MYT1L: variants seen among roughly 807,000 people sequenced by gnomAD.
MYT1L encodes the protein myelin transcription factor 1 like.
Under a neutral mutation model 126.7 loss-of-function variants are expected in MYT1L, and 12 were observed. The observed-to-expected ratio is 0.09, with a 90% CI of 0.06 to 0.15. MYT1L has a LOEUF of 0.15. MYT1L is among the 10% of genes least tolerant of loss of function. The pLI is 1.00. For synonymous variants in MYT1L, 541 were observed against 604.2 expected (o/e 0.90, Z 1.53); for missense variants, 979 against 1,585.2 (o/e 0.62, Z 6.49).
At chr2:1,796,601 G>A (rs776693916) in intron 23 of MYT1L, among the ~76,000 whole-genome samples, 4 of 152,226 alleles carry the variant, frequency 2.6e-5, no homozygotes, top group East Asian at 1.9e-4. Context: ...CTGAAAACAC[G>A]AGCTCCCTTT....
At chr2:2,175,611 CCT>C (rs2148576601) in intron 2 of MYT1L, among the ~76,000 whole-genome samples, 2 of 150,820 alleles carry the variant, frequency 1.3e-5, no homozygotes, top group South Asian at 4.1e-4. Context: ...GCGAAACCAT[CCT>C]CTGTGAACTG....
chr2:2,175,374 G>A (rs76847566), intron 2 of MYT1L, among the ~76,000 whole-genome samples: 2,201 of 152,136 alleles, frequency 0.014, 27 homozygotes, highest in Middle Eastern at 0.054. Flanking sequence ...TTGCTGAAAC[G>A]GCAGTGCCTG....
intron 8 of MYT1L, among the ~76,000 whole-genome samples, chr2:1,969,464 T>C (rs1391134452): frequency 6.6e-6 from 1 of 152,182 alleles, no homozygotes; most frequent in African/African-American, 2.4e-5. Context: ...ATCAACCCTC[T>C]GGAGGGGTGG....
intron 3 of MYT1L, among the ~76,000 whole-genome samples, chr2:2,123,137 C>T (rs945882502): frequency 6.6e-5 from 10 of 152,038 alleles, no homozygotes; most frequent in African/African-American, 2.4e-4. Context: ...GCATCACTGC[C>T]GGATGAAACT....
chr2:2,277,031 G>T (rs954221935), intron 2 of MYT1L, among the ~76,000 whole-genome samples: 4 of 151,772 alleles, frequency 2.6e-5, no homozygotes, highest in African/African-American at 9.7e-5. Flanking sequence ...GGCCAGGCTG[G>T]AGTGCAGTGG....
chr2:2,188,330 C>T (rs1276528773), intron 2 of MYT1L, among the ~76,000 whole-genome samples: 2 of 152,186 alleles, frequency 1.3e-5, no homozygotes, highest in Non-Finnish European at 2.9e-5. Context: ...GTGCTATGCA[C>T]CTGGATGTGG....
Position 1,889,430 on chromosome 2 carries a change from C to T in MYT1L, c.2331G>A (p.Met777Ile). The T allele has an allele frequency of 8.7e-6, 14 of 1,613,196 alleles. No homozygotes were observed. The highest frequency in any genetic ancestry group is 1.1e-5 in the Non-Finnish European group (13 of 1,179,376). ...VDENGTLDLS[M>I]NKQRPRDSCC... ...AGCTGTCCCGCGGCCTCTGCTTGTT[C>T]ATGCTGAGGTCCAGGGTCCCGTTCT... is the stretch of plus-strand genomic sequence containing the variant. Residue 777 changes from methionine (M) to isoleucine (I), a missense_variant, in exon 16 of 25, where the codon ATG (methionine) becomes ATA (isoleucine). Coordinates refer to ENST00000647738, the MANE Select transcript of MYT1L (RefSeq NM_001303052.2). This position sits in a 1 kb window ranked among gnomAD's most constrained non-coding sequence, Gnocchi z 4.1.
intron 3 of MYT1L, among the ~76,000 whole-genome samples, chr2:2,137,941 C>T (rs1033231040): frequency 3.9e-5 from 6 of 152,116 alleles, no homozygotes; most frequent in Admixed American, 2.6e-4. Context: ...ACCTACTCAT[C>T]TGACAAAGGG....
intron 2 of MYT1L, among the ~76,000 whole-genome samples, chr2:2,221,273 G>T (rs1195781645): frequency 6.6e-6 from 1 of 152,108 alleles, no homozygotes; most frequent in African/African-American, 2.4e-5. Flanking sequence ...TTTAGTCTGG[G>T]CACCTCTTGG....
At chr2:1,846,800 T>C (rs1461771890) in intron 19 of MYT1L, among the ~76,000 whole-genome samples, 1 of 152,144 alleles carries the variant, frequency 6.6e-6, no homozygotes, top group Non-Finnish European at 1.5e-5. Context: ...GCACCCTGTG[T>C]GAGGGCAGAT....
intron 19 of MYT1L, among the ~76,000 whole-genome samples, chr2:1,846,623 AG>A (rs1266724777): frequency 1.3e-5 from 2 of 152,156 alleles, no homozygotes; most frequent in African/African-American, 4.8e-5. Flanking sequence ...CATGTGGTCA[AG>A]GGCAGTGTAC....
At chr2:2,110,949 G>A (rs1014842776) in intron 3 of MYT1L, among the ~76,000 whole-genome samples, 12 of 152,174 alleles carry the variant, frequency 7.9e-5, no homozygotes, top group Admixed American at 7.2e-4. Flanking sequence ...ACTTGTCCCT[G>A]TGGAGCACGC....
chr2:2,304,463 A>T (rs2095831831), intron 1 of MYT1L, among the ~76,000 whole-genome samples: 1 of 152,222 alleles, frequency 6.6e-6, no homozygotes, highest in African/African-American at 2.4e-5. Flanking sequence ...TATAGTCCAC[A>T]CCAAGTGTCT....
intron 4 of MYT1L, among the ~76,000 whole-genome samples, chr2:2,050,833 T>C (rs986192496): frequency 6.6e-6 from 1 of 152,168 alleles, no homozygotes; most frequent in Non-Finnish European, 1.5e-5. Context: ...TGAGTGTTTC[T>C]GATTCTGAGT....
intron 3 of MYT1L, among the ~76,000 whole-genome samples, chr2:2,076,067 G>A (rs1488882469): frequency 6.6e-6 from 1 of 152,190 alleles, no homozygotes; most frequent in Non-Finnish European, 1.5e-5. Flanking sequence ...TACCTTCAGG[G>A]AATCATGGAG....
At chr2:2,045,663 A>T (rs1186844248) in intron 4 of MYT1L, among the ~76,000 whole-genome samples, 1 of 152,210 alleles carries the variant, frequency 6.6e-6, no homozygotes, top group African/African-American at 2.4e-5. Context: ...CTGCTCATGT[A>T]GTTGTACTGT....
chr2:2,196,406 A>G (rs1232691349), intron 2 of MYT1L, among the ~76,000 whole-genome samples: 1 of 152,076 alleles, frequency 6.6e-6, no homozygotes, highest in African/African-American at 2.4e-5. Context: ...ACATGTAGAC[A>G]TGAACAACAA....
At position 2,070,338 on chromosome 2, in the gene MYT1L, T is replaced by C. The variant is rs74545049; in HGVS notation, c.-303-16215A>G. On this transcript the variant is annotated intron_variant, in intron 3 of 24. Coordinates refer to ENST00000647738, the MANE Select transcript of MYT1L (RefSeq NM_001303052.2). ...ATCCATCCAACTGTCTAACCTGCGT[T>C]GCGACACCACCTCTCACCCCACGTG... Among the ~76,000 whole-genome samples, 52 of 152,342 alleles carry C rather than the reference T, an allele frequency of 3.4e-4. 1 individual carries two copies. The East Asian group carries it at 0.01, about 29-fold the overall frequency.
chr2:2,192,398 A>G (rs944752702), intron 2 of MYT1L, among the ~76,000 whole-genome samples: 3 of 144,912 alleles, frequency 2.1e-5, no homozygotes, highest in African/African-American at 7.7e-5. Context: ...CCTTTTATTC[A>G]GTGTTTCATG....
Sources: gnomAD v4.1 joint callset for allele counts (sites outside exome capture counted in the v4.1 genomes callset) on GRCh38, gnomAD v4.1.1 for gene constraint, Gnocchi (gnomAD v3.1) non-coding constraint, MANE v1.5 for transcripts, NCBI Gene and HGNC (gene_info 2026-07-23, HGNC 2026-07-21) for gene names.